NDST4: variants seen among roughly 807,000 people sequenced by gnomAD.
The protein encoded by NDST4 is N-heparan sulfate sulfotransferase 4.
Under a neutral mutation model 100.8 loss-of-function variants are expected in NDST4, and 63 were observed. The ratio of observed to expected loss-of-function variants is 0.62; its 90% CI spans 0.51 to 0.77. NDST4 has a LOEUF of 0.77. Among genes scored for constraint, NDST4 ranks in the 30% least tolerant of loss-of-function variants. The probability of loss-of-function intolerance (pLI) is 0.00; values close to 1 mark genes in which losing one functional copy is unlikely to be tolerated. For synonymous variants in NDST4, 377 were observed against 361.8 expected (o/e 1.04, Z -0.48); for missense variants, 943 against 1,018.4 (o/e 0.93, Z 1.01).
intron 2 of NDST4, among the ~76,000 whole-genome samples, chr4:115,036,574 T>G (rs2126272168): frequency 6.6e-6 from 1 of 151,986 alleles, no homozygotes; most frequent in Non-Finnish European, 1.5e-5. Flanking sequence ...TCCTAGGTGA[T>G]AATTCTGACA....
At chr4:115,013,370 T>TATATATATAC (rs74678897) in intron 2 of NDST4, among the ~76,000 whole-genome samples, 3,511 of 71,212 alleles carry the variant, frequency 0.049, 197 homozygotes, top group Middle Eastern at 0.081. Flanking sequence ...TATATATATA[T>TATATATATAC]ACACACACAT....
chr4:115,048,549 A>G (rs1178417244), intron 2 of NDST4, among the ~76,000 whole-genome samples: 1 of 152,180 alleles, frequency 6.6e-6, no homozygotes, highest in Non-Finnish European at 1.5e-5. Flanking sequence ...GAGAATTTTT[A>G]AGGCTTGATT....
In NDST4 at chr4:114,929,018, ATCTATCTG is replaced by A. The variant is rs201471773; in HGVS notation, c.1536+6180_1536+6187del. On this transcript the variant is annotated intron_variant, in intron 6 of 13. Coordinates refer to ENST00000264363, the MANE Select transcript of NDST4 (RefSeq NM_022569.3). Reference sequence around the variant, plus strand: ...TCTCTCTGCCTCTCTCTATATCCCTATCTATCTGTCTGTCTGTCTGTCTGTCCGTCCGT... The same window carrying A: ...TCTCTCTGCCTCTCTCTATATCCCTATCTGTCTGTCTGTCTGTCCGTCCGT... Among the ~76,000 whole-genome samples the A allele has an allele frequency of 8.0e-3, 1,141 of 142,600 alleles. 20 individuals are homozygous for A. Among genetic ancestry groups the A allele is most frequent in the African/African-American group, 0.029 (1,081 of 37,818 alleles). 93.6% of individuals were successfully genotyped at this position (142,600 alleles called of 152,430 possible).
At chr4:115,104,785 T>C (rs1292796379) in intron 1 of NDST4, among the ~76,000 whole-genome samples, 1 of 152,106 alleles carries the variant, frequency 6.6e-6, no homozygotes, top group African/African-American at 2.4e-5. Flanking sequence ...ACTTAGATCA[T>C]TATCTCCAAG....
intron 1 of NDST4, among the ~76,000 whole-genome samples, 151 bp from the exon 2 acceptor site, chr4:115,077,433 A>G (rs551722782): frequency 6.6e-6 from 1 of 152,308 alleles, no homozygotes; most frequent in African/African-American, 2.4e-5. Flanking sequence ...TTTACAGTCT[A>G]GACTTAACTA....
At chr4:114,866,823 C>T (rs1724036469) in intron 7 of NDST4, among the ~76,000 whole-genome samples, 2 of 152,078 alleles carry the variant, frequency 1.3e-5, no homozygotes, top group Admixed American at 1.3e-4. Context: ...TTATAAGTTC[C>T]ATGAAGGCAA....
chr4:114,916,850 AT>A (rs557567029), intron 6 of NDST4, among the ~76,000 whole-genome samples: 4 of 148,096 alleles, frequency 2.7e-5, no homozygotes, highest in Admixed American at 6.7e-5. Flanking sequence ...TTTCTGTTGT[AT>A]TTTTTTTTCT....
chr4:114,929,623 A>C (rs1280354835), intron 6 of NDST4, among the ~76,000 whole-genome samples: 1 of 152,230 alleles, frequency 6.6e-6, no homozygotes, highest in Non-Finnish European at 1.5e-5. Flanking sequence ...TATTCTGCCT[A>C]AAATTGAAAT....
intron 1 of NDST4, among the ~76,000 whole-genome samples, chr4:115,103,431 A>G (rs922735818): frequency 6.6e-6 from 1 of 152,170 alleles, no homozygotes; most frequent in African/African-American, 2.4e-5. Flanking sequence ...GGCACCTTAA[A>G]TATCATGAAG....
chr4:114,956,063 C>T (rs948020765), intron 4 of NDST4: 13 of 152,220 alleles, frequency 8.5e-5, no homozygotes, highest in Middle Eastern at 3.2e-3. Context: ...AGAAGCTGTA[C>T]TCTAAGTGCA....
chr4:115,109,077 A>G (rs2110347182), intron 1 of NDST4, among the ~76,000 whole-genome samples: 1 of 151,790 alleles, frequency 6.6e-6, no homozygotes, highest in East Asian at 1.9e-4. Flanking sequence ...GGAAGGAAAA[A>G]GTGGTAAAAT....
At chr4:114,920,778 G>C (rs1473084749) in intron 6 of NDST4, among the ~76,000 whole-genome samples, 2 of 152,160 alleles carry the variant, frequency 1.3e-5, no homozygotes, top group Admixed American at 6.5e-5. Context: ...TGTTAGGTGT[G>C]AAGTTCAATG....
chr4:114,856,920 C>T (rs58277080), intron 7 of NDST4, among the ~76,000 whole-genome samples: 51 of 152,308 alleles, frequency 3.3e-4, no homozygotes, highest in African/African-American at 1.1e-3. Context: ...TACATTGCAA[C>T]TCCTACTGCT....
chr4:114,853,160 T>G (rs1042435758), intron 7 of NDST4, among the ~76,000 whole-genome samples: 1 of 152,170 alleles, frequency 6.6e-6, no homozygotes, highest in East Asian at 1.9e-4. Context: ...TAGTTACTCA[T>G]ATTACTGTGT....
chr4:114,935,069 A>T (rs1196950195), intron 6 of NDST4, 137 bp downstream of exon 6: 1 of 635,480 alleles, frequency 1.6e-6, no homozygotes, highest in Non-Finnish European at 2.2e-6. Context: ...AAAGTATTTT[A>T]ATATAGATTT....
intron 4 of NDST4, among the ~76,000 whole-genome samples, chr4:114,965,156 T>C (rs1726352852): frequency 6.6e-6 from 1 of 152,140 alleles, no homozygotes; most frequent in African/African-American, 2.4e-5. Flanking sequence ...TTAAATACCC[T>C]ATAAGTTATT....
At chr4:114,995,442 T>G (rs1560849790) in intron 2 of NDST4, among the ~76,000 whole-genome samples, 1 of 152,060 alleles carries the variant, frequency 6.6e-6, no homozygotes, top group African/African-American at 2.4e-5. Context: ...ACATCTCTTT[T>G]GTAGAGATAA....
chr4:115,102,410 G>C (rs989255492), intron 1 of NDST4, among the ~76,000 whole-genome samples: 1 of 152,018 alleles, frequency 6.6e-6, no homozygotes, highest in Non-Finnish European at 1.5e-5. Context: ...TTAATTTCAA[G>C]AAATCACAAA....
intron 7 of NDST4, among the ~76,000 whole-genome samples, chr4:114,861,914 T>C (rs189080347): frequency 5.9e-4 from 90 of 152,284 alleles, no homozygotes; most frequent in African/African-American, 2.1e-3. Flanking sequence ...CTGAGTTTCC[T>C]GTCATATTTT....
Sources: gnomAD v4.1 joint callset for allele counts (sites outside exome capture counted in the v4.1 genomes callset) on GRCh38, gnomAD v4.1.1 for gene constraint, MANE v1.5 for transcripts, NCBI Gene and HGNC (gene_info 2026-07-23, HGNC 2026-07-21) for gene names.